Variants in JPT1 observed in about 807,000 individuals in gnomAD.
JPT1 encodes the protein Jupiter microtubule associated homolog 1, also known as androgen-regulated protein 2.
In JPT1, 5 loss-of-function variants were observed where a neutral mutation model predicts 17.0. The ratio of observed to expected loss-of-function variants is 0.29; its 90% confidence interval spans 0.15 to 0.62. The LOEUF (loss-of-function observed/expected upper bound fraction) is 0.62. JPT1 is among the 20% of genes least tolerant of loss of function. The pLI is 0.85. For missense variants in JPT1, 158 were observed against 188.1 expected, an observed-to-expected ratio of 0.84 and a Z score of 0.94; for synonymous variants, 71 against 73.6, an observed-to-expected ratio of 0.96 and a Z score of 0.18.
intron 4 of JPT1, chr17:75,142,649 G>T (rs1598195526): frequency 3.5e-6 from 1 of 288,612 alleles, no homozygotes; most frequent in African/African-American, 5.6e-5. Context: ...GGGAGGGGGG[G>T]ATGGAGGGAA....
At chr17:75,145,725 T>C (rs894582450) in intron 4 of JPT1, 4 of 152,210 alleles carry the variant, frequency 2.6e-5, no homozygotes, top group African/African-American at 9.7e-5. Flanking sequence ...TGTTTTACTC[T>C]TTCCCCTCTT....
At chr17:75,148,693 C>G (rs2074487363) in intron 1 of JPT1, 22 bp from the exon 2 acceptor site, 13 of 1,613,290 alleles carry the variant, frequency 8.1e-6, no homozygotes, top group Non-Finnish European at 9.3e-6. Flanking sequence ...GGCAAAACAT[C>G]AACTTCAGAT....
At chr17:75,151,841 T>A (rs948916403) in intron 1 of JPT1, among the ~76,000 whole-genome samples, 8 of 151,802 alleles carry the variant, frequency 5.3e-5, no homozygotes, top group African/African-American at 1.9e-4. Flanking sequence ...TTTTGGCACA[T>A]GCCTGTAATC....
At chr17:75,144,321 CAT>C (rs985444534) in intron 4 of JPT1, among the ~76,000 whole-genome samples, 1 of 151,860 alleles carries the variant, frequency 6.6e-6, no homozygotes, top group Non-Finnish European at 1.5e-5. Flanking sequence ...GCCTGTGTAA[CAT>C]AACATAGTGA....
At chr17:75,154,311 G>C in intron 1 of JPT1, 31 bp downstream of exon 1, 1 of 1,528,780 alleles carries the variant, frequency 6.5e-7, no homozygotes, top group Non-Finnish European at 8.8e-7. Context: ...CCTCAGCCCC[G>C]CGCGGCTCGG....
intron 4 of JPT1, among the ~76,000 whole-genome samples, chr17:75,144,051 A>G (rs1347855204): frequency 9.2e-6 from 1 of 108,918 alleles, no homozygotes; most frequent in Admixed American, 8.9e-5. Flanking sequence ...ATGGATTCTG[A>G]GGACTTCTGG....
In JPT1 at chr17:75,136,089, A is replaced by T; in HGVS notation, c.*13T>A. ...GGAAACAGACAGAACGACAGCGTTC[A>T]GGACAGTCAGAGCTAACCCAAGACG... On this transcript the variant is annotated 3_prime_UTR_variant, in exon 5 of 5. Transcript: ENST00000409753. 14 of 1,614,262 alleles carry T rather than the reference A, an allele frequency of 8.7e-6. No homozygotes were observed. The highest frequency in any genetic ancestry group is 1.2e-5 in the Non-Finnish European group (14 of 1,180,040).
Position 75,147,665 on chromosome 17 carries a change from A to G in JPT1, c.200-12T>C. 6.3e-7 allele frequency: 1 copy of G among 1,596,384 alleles called. No homozygotes were observed. The highest frequency in any genetic ancestry group is 1.1e-5 in the South Asian group (1 of 90,744). Reference sequence around the variant, plus strand: ...ACTAGACTTGGCACCTAAAAATCAAAATATACTTTCTTCAGAAATACAATA... The same window carrying G: ...ACTAGACTTGGCACCTAAAAATCAAGATATACTTTCTTCAGAAATACAATA... On this transcript the variant is annotated splice_polypyrimidine_tract_variant and intron_variant, in intron 2 of 4. Transcript: ENST00000409753.
chr17:75,153,150 A>G (rs1305692819), intron 1 of JPT1: 1 of 152,220 alleles, frequency 6.6e-6, no homozygotes, highest in East Asian at 1.9e-4. Flanking sequence ...TGTAAAATAC[A>G]TGCTCAAAAA....
At chr17:75,145,104 A>G (rs1417011666) in intron 4 of JPT1, among the ~76,000 whole-genome samples, 1 of 145,416 alleles carries the variant, frequency 6.9e-6, no homozygotes, top group Admixed American at 7.1e-5. Flanking sequence ...GCAGAGGTTG[A>G]AGTGAGCTGA....
chr17:75,150,859 T>TTTTTTTTTTTGTTTTG (rs1419590578), intron 1 of JPT1, among the ~76,000 whole-genome samples: 2,535 of 139,698 alleles, frequency 0.018, 13 homozygotes, highest in Non-Finnish European at 0.033. Flanking sequence ...TTTTTTTTTT[T>TTTTTTTTTTTGTTTTG]TTTTTTTTTT....
chr17:75,148,440 CGG>C, intron 2 of JPT1, 87 bp downstream of exon 2: 1 of 1,492,542 alleles, frequency 6.7e-7, no homozygotes, highest in Non-Finnish European at 9.1e-7. Context: ...TTTTTAGACA[CGG>C]GGGCACATGC....
In JPT1 at chr17:75,136,108, C is replaced by T; in HGVS notation, c.459G>A (p.Leu153=). The T allele has an allele frequency of 6.2e-7, 1 of 1,614,216 alleles. No homozygotes were observed. Among genetic ancestry groups the T allele is most frequent in the African/African-American group, 1.3e-5 (1 of 75,060 alleles). Residue 153 remains leucine (L), a synonymous_variant, in exon 5 of 5, where the codon TTG becomes TTA. Coordinates refer to ENST00000409753, the MANE Select transcript of JPT1 (RefSeq NM_016185.4). ...NPPGGKSSLV[L]G is the part of the protein sequence containing the mutation. ...GCGTTCAGGACAGTCAGAGCTAACC[C>T]AAGACGAGGCTGGACTTGCCGCCAG...
At chr17:75,149,474 T>C (rs1022079275) in intron 1 of JPT1, among the ~76,000 whole-genome samples, 12 of 152,120 alleles carry the variant, frequency 7.9e-5, no homozygotes, top group African/African-American at 2.9e-4. Flanking sequence ...TTCACGCCAT[T>C]CACCTGCCTC....
At chr17:75,146,594 A>G (rs760657724) in intron 4 of JPT1, 72 bp downstream of exon 4, 89 of 1,185,206 alleles carry the variant, frequency 7.5e-5, no homozygotes, top group Non-Finnish European at 1.0e-4. Flanking sequence ...CCAAGACATG[A>G]TTTAAATCAA....
At chr17:75,140,375 A>C (rs2074285431) in intron 4 of JPT1, among the ~76,000 whole-genome samples, 1 of 152,204 alleles carries the variant, frequency 6.6e-6, no homozygotes, top group Admixed American at 6.6e-5. Flanking sequence ...AGATAACTGA[A>C]CAAAGACATC....
In JPT1 at chr17:75,135,957, T is replaced by C; in HGVS notation, c.*145A>G. On this transcript the variant is annotated 3_prime_UTR_variant, in exon 5 of 5. Transcript: ENST00000409753. The stretch of plus-strand genomic sequence containing the variant: ...TCAAGGACAGAGAGAAACCTGTTCT[T>C]CAAAAGAAAAAAAAAAAAGACAGCA... 1 of 1,553,480 alleles carries C rather than the reference T, an allele frequency of 6.4e-7. No individual in the cohort carries two copies.
At chr17:75,138,192 C>A (rs1339755114) in intron 4 of JPT1, among the ~76,000 whole-genome samples, 1 of 151,822 alleles carries the variant, frequency 6.6e-6, no homozygotes, top group Non-Finnish European at 1.5e-5. Context: ...AAACTCCTGA[C>A]CTCAGGTGAT....
chr17:75,149,827 A>G (rs147671605), intron 1 of JPT1, among the ~76,000 whole-genome samples: 38 of 150,628 alleles, frequency 2.5e-4, no homozygotes, highest in African/African-American at 8.8e-4. Context: ...CCTAGGCAAC[A>G]TAGTGAGATC....
Sources: allele counts gnomAD v4.1 joint callset (sites outside exome capture counted in the v4.1 genomes callset), GRCh38; gene constraint gnomAD v4.1.1; transcripts MANE v1.5; gene names NCBI Gene and HGNC (gene_info 2026-07-23, HGNC 2026-07-21).